The following ZC3H12B variants were observed in gnomAD, a reference collection of about 807,000 sequenced individuals.
ZC3H12B encodes the protein zinc finger CCCH-type containing 12B.
Under a neutral mutation model 43.9 loss-of-function variants are expected in ZC3H12B, and 7 were observed. The ratio of observed to expected loss-of-function variants is 0.16; its 90% CI spans 0.09 to 0.30. ZC3H12B has a LOEUF of 0.30. Among genes scored for constraint, ZC3H12B ranks in the 10% least tolerant of loss-of-function variants. The pLI is 1.00. For synonymous variants in ZC3H12B, 222 were observed against 241.7 expected, an observed-to-expected ratio of 0.92 and a Z score of 0.76; for missense variants, 475 against 670.2, an observed-to-expected ratio of 0.71 and a Z score of 3.22.
chrX:65,267,075 T>C, the ZC3H12B span, among the ~76,000 whole-genome samples: 1 of 110,574 alleles, frequency 9.0e-6, no homozygotes, highest in Non-Finnish European at 1.9e-5. Flanking sequence ...TGGCTGACAT[T>C]TGGGCTCCAC....
chrX:65,120,025 T>C, the ZC3H12B span, among the ~76,000 whole-genome samples: 2 of 111,986 alleles, frequency 1.8e-5, no homozygotes, highest in East Asian at 2.8e-4. Context: ...TTGGTACCAG[T>C]ACCATGCTGT....
the ZC3H12B span, among the ~76,000 whole-genome samples, chrX:65,054,188 C>G: frequency 8.9e-6 from 1 of 112,022 alleles, no homozygotes; most frequent in Non-Finnish European, 1.9e-5. Context: ...TTGCCCATGC[C>G]TATGTCCTGA....
chrX:65,480,214 G>C (rs908517091), intron 3 of ZC3H12B, among the ~76,000 whole-genome samples: 1 of 112,170 alleles, frequency 8.9e-6, no homozygotes, highest in Non-Finnish European at 1.9e-5. Context: ...ACTATCAAAA[G>C]ATTTCATGGC....
At chrX:65,414,119 G>A (rs1017968019) in intron 3 of ZC3H12B, among the ~76,000 whole-genome samples, 23 of 111,436 alleles carry the variant, frequency 2.1e-4, no homozygotes, top group Non-Finnish European at 3.6e-4. Flanking sequence ...GATCTGATTT[G>A]CTAGAATTTT....
At chrX:65,345,346 C>T in the ZC3H12B span, among the ~76,000 whole-genome samples, 1 of 112,051 alleles carries the variant, frequency 8.9e-6, no homozygotes, top group African/African-American at 3.2e-5. Context: ...TACATATACA[C>T]CATGGAATGC....
At chrX:65,302,426 A>G in the ZC3H12B span, among the ~76,000 whole-genome samples, 140 of 111,898 alleles carry the variant, frequency 1.3e-3, 2 homozygotes, top group East Asian at 0.032. Context: ...AGCACCCAAT[A>G]AATAAAATGC....
chrX:65,111,689 C>G, the ZC3H12B span, among the ~76,000 whole-genome samples: 1 of 109,901 alleles, frequency 9.1e-6, no homozygotes, highest in East Asian at 2.9e-4. Flanking sequence ...GTCATTATAT[C>G]TATTATGGTG....
chrX:65,309,755 A>G, the ZC3H12B span, among the ~76,000 whole-genome samples: 23 of 112,231 alleles, frequency 2.0e-4, no homozygotes, highest in East Asian at 5.9e-3. Flanking sequence ...CCTCAGTAAA[A>G]TACTGGCAAA....
At chrX:65,245,509 C>T in the ZC3H12B span, among the ~76,000 whole-genome samples, 1 of 112,270 alleles carries the variant, frequency 8.9e-6, no homozygotes, top group Non-Finnish European at 1.9e-5. Context: ...AAGTAGGCTT[C>T]ATTCCTGGAA....
intron 3 of ZC3H12B, among the ~76,000 whole-genome samples, chrX:65,478,276 C>A (rs1292279545): frequency 1.8e-5 from 2 of 112,184 alleles, no homozygotes; most frequent in African/African-American, 6.5e-5. Context: ...TTGGCTCAAG[C>A]AATACTTCCA....
chrX:65,049,132 C>G, the ZC3H12B span, among the ~76,000 whole-genome samples: 3 of 111,082 alleles, frequency 2.7e-5, no homozygotes, highest in African/African-American at 9.8e-5. Context: ...TCCTTTAACT[C>G]TGTTGATGTG....
the ZC3H12B span, among the ~76,000 whole-genome samples, chrX:65,116,888 C>T: frequency 8.9e-6 from 1 of 111,973 alleles, no homozygotes; most frequent in East Asian, 2.8e-4. Flanking sequence ...AAGGGACATA[C>T]TCATCCTTTT....
At chrX:65,191,947 A>C in the ZC3H12B span, among the ~76,000 whole-genome samples, 4 of 104,258 alleles carry the variant, frequency 3.8e-5, no homozygotes, top group Non-Finnish European at 7.9e-5. Flanking sequence ...TAGTGCTATA[A>C]ATTTCCCTCT....
chrX:65,356,664 T>A, the ZC3H12B span, among the ~76,000 whole-genome samples: 1 of 111,904 alleles, frequency 8.9e-6, no homozygotes, highest in African/African-American at 3.2e-5. Context: ...TTGTATAAAA[T>A]TTTAAAAGCT....
the ZC3H12B span, among the ~76,000 whole-genome samples, chrX:65,121,232 C>G: frequency 9.0e-6 from 1 of 111,476 alleles, no homozygotes; most frequent in Non-Finnish European, 1.9e-5. Flanking sequence ...ATGGTACCAG[C>G]TCCTCCTTTT....
chrX:65,200,390 C>G, the ZC3H12B span, among the ~76,000 whole-genome samples: 1 of 98,504 alleles, frequency 1.0e-5, no homozygotes, highest in African/African-American at 3.8e-5. Context: ...TTCTCTTATT[C>G]TGTAGGTTGT....
chrX:65,048,091 C>G, the ZC3H12B span, among the ~76,000 whole-genome samples: 1 of 110,884 alleles, frequency 9.0e-6, no homozygotes, highest in Non-Finnish European at 1.9e-5. Context: ...CCCCGTTTCC[C>G]TGGGTTCTAT....
the ZC3H12B span, among the ~76,000 whole-genome samples, chrX:65,130,582 A>T: frequency 9.0e-6 from 1 of 111,548 alleles, no homozygotes; most frequent in Non-Finnish European, 1.9e-5. Context: ...GAAGACTGAG[A>T]AGTGACTTCC....
chrX:65,136,955 G>A, the ZC3H12B span, among the ~76,000 whole-genome samples: 3 of 111,696 alleles, frequency 2.7e-5, no homozygotes, highest in Non-Finnish European at 5.6e-5. Context: ...AAGTGCATGT[G>A]ATTGTCTTTA....
Sources: gnomAD v4.1 joint callset for allele counts (sites outside exome capture counted in the v4.1 genomes callset) on GRCh38, gnomAD v4.1.1 for gene constraint, MANE v1.5 for transcripts, NCBI Gene and HGNC (gene_info 2026-07-23, HGNC 2026-07-21) for gene names.